ATP8A2: variants seen among roughly 807,000 people sequenced by gnomAD.
ATP8A2 encodes phospholipid-transporting ATPase IB.
Under a neutral mutation model 165.6 loss-of-function variants are expected in ATP8A2, and 100 were observed. The observed-to-expected ratio is 0.60, with a 90% CI of 0.51 to 0.71. The LOEUF is 0.71. ATP8A2 is among the 30% of genes least tolerant of loss of function. ATP8A2 has a pLI of 0.00. For synonymous variants in ATP8A2, 543 were observed against 548.8 expected (o/e 0.99, Z 0.15); for missense variants, 1,227 against 1,479.5 (o/e 0.83, Z 2.80).
intron 1 of ATP8A2, among the ~76,000 whole-genome samples, chr13:25,448,899 A>C (rs2035139129): frequency 6.6e-6 from 1 of 152,168 alleles, no homozygotes; most frequent in Non-Finnish European, 1.5e-5. Flanking sequence ...TCCTGACCTC[A>C]GGTGATCCAC....
intron 2 of ATP8A2, among the ~76,000 whole-genome samples, chr13:25,487,675 G>A (rs986436526): frequency 4.6e-5 from 7 of 152,170 alleles, no homozygotes; most frequent in Admixed American, 4.6e-4. Flanking sequence ...AAAAGGTAAG[G>A]TGCATATCGA....
At chr13:25,528,865 T>C (rs562756516) in intron 2 of ATP8A2, among the ~76,000 whole-genome samples, 6 of 146,124 alleles carry the variant, frequency 4.1e-5, no homozygotes, top group African/African-American at 1.6e-4. Context: ...AACATGTGTA[T>C]GCATACATAT....
chr13:25,794,090 A>G (rs1468258115), intron 27 of ATP8A2, among the ~76,000 whole-genome samples: 1 of 152,162 alleles, frequency 6.6e-6, no homozygotes, highest in African/African-American at 2.4e-5. Flanking sequence ...TGAGATGGGG[A>G]GAAGACAGAG....
chr13:25,563,780 G>C (rs1403298508), intron 15 of ATP8A2, among the ~76,000 whole-genome samples, 176 bp from the exon 16 acceptor site: 1 of 152,046 alleles, frequency 6.6e-6, no homozygotes, highest in Non-Finnish European at 1.5e-5. Context: ...TAAACTCCAG[G>C]ATTAATTGTT....
chr13:25,846,546 A>T (rs1951868738), intron 30 of ATP8A2, among the ~76,000 whole-genome samples: 1 of 152,230 alleles, frequency 6.6e-6, no homozygotes, highest in East Asian at 1.9e-4. Flanking sequence ...TGCGGGGCAG[A>T]TTGTGAGACA....
chr13:25,771,955 G>T (rs1004377593), intron 26 of ATP8A2, among the ~76,000 whole-genome samples: 6 of 151,980 alleles, frequency 3.9e-5, no homozygotes, highest in Admixed American at 1.3e-4. Flanking sequence ...TTTTTATTAC[G>T]CTTCGGAGGA....
At chr13:25,496,871 T>G (rs2036694595) in intron 2 of ATP8A2, among the ~76,000 whole-genome samples, 1 of 152,138 alleles carries the variant, frequency 6.6e-6, no homozygotes, top group Non-Finnish European at 1.5e-5. Context: ...CAGGAGGAAA[T>G]GGGAAATCTC....
chr13:25,512,953 T>TG (rs1285483371), intron 2 of ATP8A2, among the ~76,000 whole-genome samples: 2 of 96,158 alleles, frequency 2.1e-5, no homozygotes, highest in African/African-American at 4.1e-5. Context: ...GCTGGCCGGG[T>TG]GGGGGGCTGA....
chr13:25,433,070 G>A (rs1211175946), intron 1 of ATP8A2, among the ~76,000 whole-genome samples: 3 of 152,066 alleles, frequency 2.0e-5, no homozygotes, highest in African/African-American at 7.2e-5. Flanking sequence ...CTGATCTGTG[G>A]GAGCTGAGTT....
At chr13:25,531,236 A>ATATATATGT (rs1159364645) in intron 4 of ATP8A2, among the ~76,000 whole-genome samples, 1 of 100,084 alleles carries the variant, frequency 1.0e-5, no homozygotes, top group African/African-American at 4.3e-5. Flanking sequence ...GTTATATATG[A>ATATATATGT]TATATATGTT....
At chr13:25,428,997 G>T (rs1478361386) in intron 1 of ATP8A2, among the ~76,000 whole-genome samples, 2 of 152,092 alleles carry the variant, frequency 1.3e-5, no homozygotes, top group Non-Finnish European at 2.9e-5. Flanking sequence ...GCCATGGAAA[G>T]GGAGGCTGAA....
intron 25 of ATP8A2, among the ~76,000 whole-genome samples, chr13:25,747,352 G>T (rs4770876): frequency 0.13 from 19,950 of 152,272 alleles, 1,455 homozygotes; most frequent in East Asian, 0.23. Context: ...TAGTAGCGAA[G>T]TCAGTTTTCA....
At chr13:25,585,532 T>C (rs551127585) in intron 23 of ATP8A2, among the ~76,000 whole-genome samples, 3 of 152,308 alleles carry the variant, frequency 2.0e-5, no homozygotes, top group Admixed American at 2.0e-4. Flanking sequence ...CTCCCTGCAT[T>C]TTGTTACCCA....
At chr13:25,527,540 A>G (rs753695779) in intron 2 of ATP8A2, among the ~76,000 whole-genome samples, 2 of 152,186 alleles carry the variant, frequency 1.3e-5, no homozygotes, top group African/African-American at 2.4e-5. Context: ...TATTTTGGCA[A>G]TTATTTTAAT....
At position 25,916,262 on chromosome 13, in the gene ATP8A2, T is replaced by TGA. The variant is rs1485956319; in HGVS notation, c.3184-45312_3184-45311insAG. On this transcript the variant is annotated intron_variant, in intron 33 of 36. Transcript: ENST00000381655. Reference sequence around the variant, plus strand: ...CCTGCTGGTCTGTGGCCAGGCCCTCTGCGCCACTCAGCACAAACCTTCTGC... The same window carrying TGA: ...CCTGCTGGTCTGTGGCCAGGCCCTCTGAGCGCCACTCAGCACAAACCTTCTGC... 1.2e-4 allele frequency among the ~76,000 whole-genome samples: 19 copies of TGA among 152,246 alleles called. 1 individual carries two copies. Among genetic ancestry groups the TGA allele is most frequent in the Admixed American group, 2.0e-4 (3 of 15,294 alleles).
Position 25,616,326 on chromosome 13 carries a change from C to CTTT in ATP8A2, c.2211+26647_2211+26649dup, listed in dbSNP as rs535891442. Among the ~76,000 whole-genome samples the CTTT allele has an allele frequency of 2.8e-3, 297 of 106,718 alleles. 1 individual carries two copies. Among genetic ancestry groups the CTTT allele is most frequent in the Non-Finnish European group, 4.1e-3 (217 of 53,510 alleles). 70.0% of individuals were successfully genotyped at this position (106,718 alleles called of 152,430 possible). A position where few individuals can be genotyped will look rare whatever the true frequency, so the allele number is the denominator to read the frequency against. ...TTAATTTTCTTTTCTTTCTTTCTTT[C>CTTT]TTTTTTTTTTTTTTTTTTTTTTGAG... On this transcript the variant is annotated intron_variant, in intron 24 of 36. Transcript: ENST00000381655.
chr13:25,547,461 C>T (rs572490875), intron 10 of ATP8A2, among the ~76,000 whole-genome samples: 7 of 152,254 alleles, frequency 4.6e-5, no homozygotes, highest in African/African-American at 1.7e-4. Context: ...TTGCTCATTC[C>T]TTATGAGAAT....
At chr13:25,986,832 T>C (rs1002683272) in intron 35 of ATP8A2, among the ~76,000 whole-genome samples, 5 of 152,208 alleles carry the variant, frequency 3.3e-5, no homozygotes, top group Non-Finnish European at 5.9e-5. Flanking sequence ...CCACCAATAC[T>C]GTAAAGAATA....
intron 25 of ATP8A2, among the ~76,000 whole-genome samples, chr13:25,705,759 T>C (rs1162493390): frequency 6.6e-6 from 1 of 152,236 alleles, no homozygotes; most frequent in Non-Finnish European, 1.5e-5. Flanking sequence ...GGATTAGCAC[T>C]GTTGACAATT....
Sources: allele counts gnomAD v4.1 joint callset (sites outside exome capture counted in the v4.1 genomes callset), GRCh38; gene constraint gnomAD v4.1.1; transcripts MANE v1.5; gene names NCBI Gene and HGNC (gene_info 2026-07-23, HGNC 2026-07-21).